MSRA: variants seen among roughly 807,000 people sequenced by gnomAD.
MSRA encodes the protein mitochondrial peptide methionine sulfoxide reductase.
MSRA carries 54 observed loss-of-function variants against 31.3 expected under a neutral mutation model. The ratio of observed to expected loss-of-function variants is 1.73; its 90% CI spans 1.39 to 2.17. MSRA has a LOEUF of 2.17. Ranked by LOEUF, MSRA falls within the 30% of genes most tolerant of loss-of-function variation. MSRA has a pLI of 0.00. For synonymous variants in MSRA, 169 were observed against 116.5 expected, an observed-to-expected ratio of 1.45 and a Z score of -2.90; for missense variants, 507 against 300.9, an observed-to-expected ratio of 1.69 and a Z score of -5.07.
intron 5 of MSRA, among the ~76,000 whole-genome samples, chr8:10,390,471 C>T (rs1380712249): frequency 6.6e-6 from 1 of 152,172 alleles, no homozygotes; most frequent in Non-Finnish European, 1.5e-5. Flanking sequence ...CTCCCCACTC[C>T]CACCCGTGTC....
At chr8:10,387,285 G>A (rs1008498997) in intron 5 of MSRA, among the ~76,000 whole-genome samples, 3 of 152,190 alleles carry the variant, frequency 2.0e-5, no homozygotes, top group African/African-American at 4.8e-5. Flanking sequence ...GTAAAACAGA[G>A]CAAATGTGTG....
chr8:10,226,242 T>C (rs1447319058), intron 2 of MSRA, among the ~76,000 whole-genome samples: 1 of 152,228 alleles, frequency 6.6e-6, no homozygotes, highest in Non-Finnish European at 1.5e-5. Context: ...GTTTTGAATG[T>C]GGTAGATGAA....
chr8:10,311,497 C>T (rs1801429789), intron 4 of MSRA, among the ~76,000 whole-genome samples: 1 of 152,136 alleles, frequency 6.6e-6, no homozygotes. Flanking sequence ...TTCTCAATCA[C>T]ACAAGGAACA....
intron 4 of MSRA, among the ~76,000 whole-genome samples, chr8:10,315,864 A>T (rs191179260): frequency 6.6e-6 from 1 of 152,374 alleles, no homozygotes; most frequent in Admixed American, 6.5e-5. Context: ...CATAATAAGT[A>T]AAAAGATTTT....
chr8:10,303,134 G>GT lies in MSRA; in HGVS notation c.436+1497dup, dbSNP rs1359910050. 5.9e-5 allele frequency among the ~76,000 whole-genome samples: 9 copies of GT among 152,364 alleles called. No individual in the cohort carries two copies. The South Asian group carries it at 6.2e-4, about 11-fold the overall frequency. ...GCTCCAAAATTATCAGTGAAGACAT[G>GT]TATCAGAGGCCCAGGCAAGGCCTGA... is the stretch of plus-strand genomic sequence containing the variant. On this transcript the variant is annotated intron_variant, in intron 4 of 5. Transcript: ENST00000317173.
chr8:10,251,191 T>G (rs906660871), intron 3 of MSRA, among the ~76,000 whole-genome samples: 3 of 150,800 alleles, frequency 2.0e-5, no homozygotes, highest in Admixed American at 6.6e-5. Flanking sequence ...CCCACTAATG[T>G]AAGACAACTC....
At chr8:10,284,004 T>C (rs1038184156) in intron 3 of MSRA, among the ~76,000 whole-genome samples, 6 of 151,804 alleles carry the variant, frequency 4.0e-5, no homozygotes, top group Admixed American at 3.9e-4. Context: ...TCTTTTCCTC[T>C]TGGTAGATAG....
chr8:10,261,758 G>A (rs1379567923), intron 3 of MSRA, among the ~76,000 whole-genome samples: 1 of 152,108 alleles, frequency 6.6e-6, no homozygotes, highest in Non-Finnish European at 1.5e-5. Context: ...CCCTTTTGGT[G>A]GTGTACATTC....
chr8:10,076,647 C>T (rs923374084), intron 1 of MSRA, among the ~76,000 whole-genome samples: 2 of 152,108 alleles, frequency 1.3e-5, no homozygotes, highest in Admixed American at 1.3e-4. Context: ...GGGCAGTGAG[C>T]TCCCTTTTGG....
chr8:10,148,660 C>T lies in MSRA; in HGVS notation c.143-59173C>T, dbSNP rs973667566. 2.0e-4 allele frequency among the ~76,000 whole-genome samples: 30 copies of T among 148,564 alleles called. 1 individual carries two copies. Among genetic ancestry groups the T allele is most frequent in the African/African-American group, 6.7e-4 (27 of 40,350 alleles). The stretch of plus-strand genomic sequence containing the variant: ...AGACTTCATCTTAAAAAAAAAAAAA[C>T]GGGAATTTAGTTATATTTAACAAGT... On this transcript the variant is annotated intron_variant, in intron 1 of 5. Coordinates refer to ENST00000317173, the MANE Select transcript of MSRA (RefSeq NM_012331.5).
intron 1 of MSRA, among the ~76,000 whole-genome samples, chr8:10,180,368 C>G (rs554905112): frequency 3.3e-5 from 5 of 152,278 alleles, no homozygotes; most frequent in African/African-American, 1.2e-4. Context: ...CTCACAGCAC[C>G]GTGATGTGTT....
chr8:10,316,092 T>G (rs1381047812), intron 4 of MSRA, among the ~76,000 whole-genome samples: 1 of 152,210 alleles, frequency 6.6e-6, no homozygotes, highest in Admixed American at 6.5e-5. Flanking sequence ...GCAACACTAT[T>G]TCATCTCCCT....
In MSRA at chr8:10,331,673, A is replaced by G. The variant is rs76100278; in HGVS notation, c.543+11684A>G. ...GAATACAGTCATCCTTCGGTATCCA[A>G]TGGGGATTGCTTCCAGGACCCTCTG... On this transcript the variant is annotated intron_variant, in intron 5 of 5. Coordinates refer to ENST00000317173, the MANE Select transcript of MSRA (RefSeq NM_012331.5). Among the ~76,000 whole-genome samples the G allele has an allele frequency of 3.3e-3, 508 of 152,312 alleles. 2 individuals are homozygous for G. The highest frequency in any genetic ancestry group is 0.012 in the African/African-American group (484 of 41,564).
intron 5 of MSRA, among the ~76,000 whole-genome samples, chr8:10,359,017 C>CTT (rs1405045967): frequency 6.6e-6 from 1 of 152,150 alleles, no homozygotes; most frequent in Non-Finnish European, 1.5e-5. Context: ...AAAACATTCC[C>CTT]TTATCCCCCC....
chr8:10,264,551 G>T (rs963716276), intron 3 of MSRA, among the ~76,000 whole-genome samples: 1 of 152,212 alleles, frequency 6.6e-6, no homozygotes, highest in Non-Finnish European at 1.5e-5. Context: ...GCTGCTCCCA[G>T]TGGAGCCCAG....
intron 2 of MSRA, among the ~76,000 whole-genome samples, chr8:10,234,894 A>T (rs193241917): frequency 6.6e-6 from 1 of 152,236 alleles, no homozygotes; most frequent in Admixed American, 6.5e-5. Flanking sequence ...AGACTTGTGT[A>T]TGCTAATAGC....
At chr8:10,300,396 C>T (rs141773244) in intron 3 of MSRA, among the ~76,000 whole-genome samples, 8 of 152,070 alleles carry the variant, frequency 5.3e-5, no homozygotes, top group Non-Finnish European at 8.8e-5. Context: ...GCTGGGATTA[C>T]AGACACCCAC....
intron 1 of MSRA, among the ~76,000 whole-genome samples, chr8:10,106,876 C>A (rs1369180205): frequency 6.6e-6 from 1 of 151,832 alleles, no homozygotes; most frequent in Non-Finnish European, 1.5e-5. Context: ...TACCCACCTA[C>A]CCCTTCCCTC....
chr8:10,208,235 T>C (rs1189860185), intron 2 of MSRA, among the ~76,000 whole-genome samples: 1 of 152,080 alleles, frequency 6.6e-6, no homozygotes, highest in African/African-American at 2.4e-5. Flanking sequence ...CACATAGATA[T>C]ATCACTTTGT....
Sources: gnomAD v4.1 joint callset for allele counts (sites outside exome capture counted in the v4.1 genomes callset) on GRCh38, gnomAD v4.1.1 for gene constraint, MANE v1.5 for transcripts, NCBI Gene and HGNC (gene_info 2026-07-23, HGNC 2026-07-21) for gene names.